Variants in SLX9 observed in about 807,000 individuals in gnomAD.
SLX9 encodes ribosome biogenesis protein SLX9 homolog.
Under a neutral mutation model 20.8 loss-of-function variants are expected in SLX9, and 19 were observed. The ratio of observed to expected loss-of-function variants is 0.91; its 90% CI spans 0.64 to 1.34. The LOEUF (loss-of-function observed/expected upper bound fraction) is 1.34. Ranked by LOEUF, SLX9 falls within the 40% of genes most tolerant of loss-of-function variation. The pLI is 0.00. For missense variants in SLX9, 299 were observed against 322.2 expected (o/e 0.93, Z 0.55); for synonymous variants, 113 against 137.1 (o/e 0.82, Z 1.23).
chr21:44,970,955 C>T (rs1381374693), intron 4 of SLX9, among the ~76,000 whole-genome samples: 1 of 152,232 alleles, frequency 6.6e-6, no homozygotes, highest in African/African-American at 2.4e-5. Flanking sequence ...CCCTGGGGTG[C>T]AGGATGCAGA....
intron 4 of SLX9, among the ~76,000 whole-genome samples, chr21:44,969,770 A>G (rs1037394626): frequency 6.6e-6 from 1 of 152,194 alleles, no homozygotes; most frequent in Admixed American, 6.5e-5. Flanking sequence ...ACTAAAGCCC[A>G]TACCTTAGGT....
chr21:44,970,099 A>T (rs2210287), intron 4 of SLX9, among the ~76,000 whole-genome samples: 152,283 of 152,294 alleles, frequency 1, 76,136 homozygotes, highest in Middle Eastern at 1. Flanking sequence ...CTGGGTTGAG[A>T]CCCCCCCTCC....
intron 3 of SLX9, among the ~76,000 whole-genome samples, chr21:44,965,774 G>A (rs2085022884): frequency 6.6e-6 from 1 of 152,094 alleles, no homozygotes; most frequent in South Asian, 2.1e-4. Context: ...TGTCCTCACG[G>A]GAACCACATG....
intron 2 of SLX9, among the ~76,000 whole-genome samples, chr21:44,958,618 C>G (rs2084901031): frequency 6.6e-6 from 1 of 152,250 alleles, no homozygotes; most frequent in South Asian, 2.1e-4. Flanking sequence ...CATCCAGAGG[C>G]TAGAAGGGGG....
intron 1 of SLX9, among the ~76,000 whole-genome samples, chr21:44,942,873 CACTT>C (rs2084573725): frequency 6.6e-6 from 1 of 152,122 alleles, no homozygotes; most frequent in Admixed American, 6.5e-5. Context: ...ATAAGAATGT[CACTT>C]ACCTTCTGGT....
chr21:44,967,137 C>T lies in SLX9; in HGVS notation c.456C>T (p.Pro152=), dbSNP rs367751057. The T allele has an allele frequency of 7.9e-5, 127 of 1,604,712 alleles. No homozygotes were observed. Among genetic ancestry groups the T allele is most frequent in the African/African-American group, 2.9e-4 (22 of 74,740 alleles). ...GDLHPLRDAL[P]ELLGLEAGSR... ...TGCACCCTCTCAGGGATGCCCTGCC[C>T]GAGCTGCTGGGGCTCGAGGCTGGCA... Residue 152 remains proline, a synonymous_variant, in exon 4 of 6, where the codon CCC becomes CCT. Coordinates refer to ENST00000291634, the MANE Select transcript of SLX9 (RefSeq NM_058190.4).
chr21:44,955,666 C>T (rs989091033), intron 2 of SLX9, among the ~76,000 whole-genome samples: 2 of 152,190 alleles, frequency 1.3e-5, no homozygotes, highest in Admixed American at 6.5e-5. Context: ...ACCACAGGCA[C>T]GTGCTGCTGC....
intron 4 of SLX9, among the ~76,000 whole-genome samples, chr21:44,971,066 T>C (rs199796688): frequency 1.3e-5 from 2 of 152,154 alleles, no homozygotes; most frequent in African/African-American, 4.8e-5. Context: ...GTGACCCCCA[T>C]GCTCTGGACC....
At chr21:44,953,063 C>T (rs2084787611) in intron 2 of SLX9, among the ~76,000 whole-genome samples, 1 of 152,122 alleles carries the variant, frequency 6.6e-6, no homozygotes, top group Non-Finnish European at 1.5e-5. Flanking sequence ...CTGCCTCTGG[C>T]AGCCTCCCCC....
At chr21:44,945,144 A>C (rs1332477297) in intron 2 of SLX9, among the ~76,000 whole-genome samples, 1 of 152,196 alleles carries the variant, frequency 6.6e-6, no homozygotes, top group Non-Finnish European at 1.5e-5. Context: ...CAAAGCGGCG[A>C]CAGACATAGC....
At chr21:44,976,659 C>T (rs758175745) in intron 5 of SLX9, 21 bp from the exon 6 acceptor site, 4 of 1,575,416 alleles carry the variant, frequency 2.5e-6, no homozygotes, top group African/African-American at 2.7e-5. Flanking sequence ...GCCTGCTGAT[C>T]TGTGGTCTCC....
At chr21:44,962,313 C>G (rs558270327) in intron 3 of SLX9, among the ~76,000 whole-genome samples, 12 of 152,184 alleles carry the variant, frequency 7.9e-5, no homozygotes, top group Non-Finnish European at 1.3e-4. Flanking sequence ...TCACGCACCC[C>G]CCCAGTCAAT....
chr21:44,970,958 G>T (rs903833196), intron 4 of SLX9, among the ~76,000 whole-genome samples: 1 of 152,232 alleles, frequency 6.6e-6, no homozygotes, highest in African/African-American at 2.4e-5. Flanking sequence ...TGGGGTGCAG[G>T]ATGCAGAGCT....
In SLX9 at chr21:44,943,872, C is replaced by T. The variant is rs199972945; in HGVS notation, c.283+35C>T. On this transcript the variant is annotated intron_variant, in intron 2 of 5. Coordinates refer to ENST00000291634, the MANE Select transcript of SLX9 (RefSeq NM_058190.4). ...GCTCGACGGGTTACCATGCTGATACCCAGCAGGTCTGGGATTGTTCCCTCA... is the reference window on the plus strand; with the variant it reads ...GCTCGACGGGTTACCATGCTGATACTCAGCAGGTCTGGGATTGTTCCCTCA... 92 of 1,613,378 alleles carry T rather than the reference C, an allele frequency of 5.7e-5. 1 individual carries two copies. The Middle Eastern group carries it at 6.6e-4, about 12-fold the overall frequency.
chr21:44,968,178 A>G (rs1343667855), intron 4 of SLX9, among the ~76,000 whole-genome samples: 2 of 149,246 alleles, frequency 1.3e-5, no homozygotes, highest in Non-Finnish European at 3.0e-5. Flanking sequence ...CCAGAACCCC[A>G]TCACCCAGTG....
chr21:44,971,536 A>G (rs1180150737), intron 4 of SLX9, among the ~76,000 whole-genome samples: 3 of 152,034 alleles, frequency 2.0e-5, no homozygotes, highest in South Asian at 4.1e-4. Context: ...GGACCTTGGG[A>G]GGCATTGGTC....
chr21:44,973,201 G>C lies in SLX9; in HGVS notation c.505G>C (p.Glu169Gln). Reference sequence around the variant, plus strand: ...GTGGCTTCTCTGTGTCCACAGCAGGGAGAGCAACAAGCCCCGGCCCTCAGA... The same window carrying C: ...GTGGCTTCTCTGTGTCCACAGCAGGCAGAGCAACAAGCCCCGGCCCTCAGA... Reference protein sequence around the residue: ...AGSRRQARSRESNKPRPSELS... With the variant: ...AGSRRQARSRQSNKPRPSELS... Residue 169 changes from glutamate (E) to glutamine (Q), a missense_variant, in exon 5 of 6, where the codon GAG becomes CAG. Glu to Gln is a conservative substitution (Grantham distance 29, BLOSUM62 2). Transcript: ENST00000291634. The C allele has an allele frequency of 6.2e-7, 1 of 1,613,106 alleles. No homozygotes were observed. The highest frequency in any genetic ancestry group is 8.5e-7 in the Non-Finnish European group (1 of 1,179,760).
chr21:44,942,508 G>T (rs930912142), intron 1 of SLX9, among the ~76,000 whole-genome samples: 8 of 152,208 alleles, frequency 5.3e-5, no homozygotes, highest in Non-Finnish European at 1.0e-4. Flanking sequence ...ACCTCTTGGT[G>T]CCCTGGCTGC....
chr21:44,952,566 TG>T, intron 2 of SLX9, among the ~76,000 whole-genome samples: 1 of 152,344 alleles, frequency 6.6e-6, no homozygotes, highest in East Asian at 1.9e-4. Flanking sequence ...GGGGATGCTG[TG>T]CCCAGCAGAG....
Sources: allele counts gnomAD v4.1 joint callset (sites outside exome capture counted in the v4.1 genomes callset), GRCh38; gene constraint gnomAD v4.1.1; transcripts MANE v1.5; gene names NCBI Gene and HGNC (gene_info 2026-07-23, HGNC 2026-07-21).